The following STK32B variants were observed in gnomAD, a reference collection of about 807,000 sequenced individuals.
The protein encoded by STK32B is serine/threonine kinase 32B, also known as serine/threonine-protein kinase 32B.
In STK32B, 43 loss-of-function variants were observed where a neutral mutation model predicts 52.6. The ratio of observed to expected loss-of-function variants is 0.82; its 90% CI spans 0.64 to 1.05. STK32B has a LOEUF of 1.05. Ranked by LOEUF, STK32B falls within the 50% of genes least tolerant of loss-of-function variation. The pLI, the probability that STK32B is intolerant of heterozygous loss-of-function variation, is 0.00. For synonymous variants in STK32B, 238 were observed against 204.3 expected (o/e 1.17, Z -1.41); for missense variants, 621 against 534.6 (o/e 1.16, Z -1.59).
At chr4:5,458,858 C>A (rs1432468875) in intron 8 of STK32B, 1 of 152,242 alleles carries the variant, frequency 6.6e-6, no homozygotes, top group African/African-American at 2.4e-5. Flanking sequence ...TGACAGGTGT[C>A]GCAGCCAGAT....
chr4:5,445,350 C>A (rs1297780362), intron 6 of STK32B, among the ~76,000 whole-genome samples: 1 of 152,178 alleles, frequency 6.6e-6, no homozygotes, highest in Admixed American at 6.5e-5. Flanking sequence ...GCTTTAATCA[C>A]AACAGTATGT....
intron 1 of STK32B, among the ~76,000 whole-genome samples, chr4:5,102,685 C>T (rs1713874772): frequency 6.6e-6 from 1 of 151,222 alleles, no homozygotes; most frequent in Non-Finnish European, 1.5e-5. Context: ...GCACACACCA[C>T]CATACCTGGC....
chr4:5,389,760 T>A (rs1246707845), intron 4 of STK32B, among the ~76,000 whole-genome samples: 2 of 151,990 alleles, frequency 1.3e-5, no homozygotes, highest in African/African-American at 4.8e-5. Context: ...CTAATCCTTA[T>A]AATCTGTGCC....
At chr4:5,430,628 C>A (rs1713498476) in intron 6 of STK32B, among the ~76,000 whole-genome samples, 1 of 152,214 alleles carries the variant, frequency 6.6e-6, no homozygotes, top group East Asian at 1.9e-4. Flanking sequence ...TTATTAAAAT[C>A]TTTGCATGAT....
chr4:5,364,276 A>G (rs984930173), intron 4 of STK32B, among the ~76,000 whole-genome samples: 2 of 152,262 alleles, frequency 1.3e-5, no homozygotes, highest in Non-Finnish European at 2.9e-5. Context: ...CCAGTTTAAG[A>G]AAAAATAATT....
At chr4:5,437,997 A>C (rs1577496570) in intron 6 of STK32B, 2 of 985,372 alleles carry the variant, frequency 2.0e-6, no homozygotes, top group East Asian at 2.3e-4. Flanking sequence ...CGCTTGTCTG[A>C]TCATGACAGC....
At chr4:5,464,214 A>T (rs1335584143) in intron 9 of STK32B, among the ~76,000 whole-genome samples, 1 of 152,140 alleles carries the variant, frequency 6.6e-6, no homozygotes, top group Admixed American at 6.5e-5. Context: ...CCATGAACCA[A>T]ACACCTCCCA....
At chr4:5,261,729 G>A (rs554766218) in intron 3 of STK32B, among the ~76,000 whole-genome samples, 1 of 152,132 alleles carries the variant, frequency 6.6e-6, no homozygotes, top group South Asian at 2.1e-4. Context: ...CACTCAGAAA[G>A]GTAGTTGTTA....
intron 11 of STK32B, among the ~76,000 whole-genome samples, chr4:5,493,050 T>A (rs1281278214): frequency 6.6e-6 from 1 of 151,440 alleles, no homozygotes; most frequent in African/African-American, 2.5e-5. Flanking sequence ...CTTTTATGGT[T>A]GTGTCTCTGC....
intron 1 of STK32B, among the ~76,000 whole-genome samples, chr4:5,112,389 C>T (rs1420414128): frequency 6.6e-6 from 1 of 152,152 alleles, no homozygotes; most frequent in Non-Finnish European, 1.5e-5. Context: ...AGGAGAGCTG[C>T]TGGAGTAGGT....
intron 5 of STK32B, among the ~76,000 whole-genome samples, chr4:5,412,410 G>A (rs1029303712): frequency 1.3e-5 from 2 of 152,182 alleles, no homozygotes; most frequent in African/African-American, 4.8e-5. Context: ...AGCATAGCCA[G>A]GGGAAAGCAG....
intron 3 of STK32B, among the ~76,000 whole-genome samples, chr4:5,278,748 C>G (rs1335597533): frequency 6.6e-6 from 1 of 152,104 alleles, no homozygotes; most frequent in Non-Finnish European, 1.5e-5. Flanking sequence ...TTAATTGTCT[C>G]AGTTCCACAG....
chr4:5,075,480 T>A, intron 1 of STK32B, among the ~76,000 whole-genome samples: 1 of 152,162 alleles, frequency 6.6e-6, no homozygotes, highest in Non-Finnish European at 1.5e-5. Context: ...TTTGATTTTT[T>A]AAAAATATAT....
chr4:5,407,835 A>G (rs941392482), intron 5 of STK32B, among the ~76,000 whole-genome samples: 1 of 152,138 alleles, frequency 6.6e-6, no homozygotes, highest in African/African-American at 2.4e-5. Context: ...TTACAATCAG[A>G]CATGAGATTT....
At position 5,500,347 on chromosome 4, in the gene STK32B, A is replaced by T. The variant is rs16837348; in HGVS notation, c.*1264A>T. 6.6e-6 allele frequency: 1 copy of T among 152,210 alleles called. No individual in the cohort carries two copies. Among genetic ancestry groups the T allele is most frequent in the African/African-American group, 2.4e-5 (1 of 41,450 alleles). The allele number at this position is 152,210 out of a possible 1,614,324, so 9.4% of individuals were successfully genotyped here. On this transcript the variant is annotated 3_prime_UTR_variant, in exon 12 of 12. Transcript: ENST00000282908. Reference sequence around the variant, plus strand: ...TAAATAAGATCCTGTGTGTAACCCCAAGCATTGGATGACTCATAGAATGGC... The same window carrying T: ...TAAATAAGATCCTGTGTGTAACCCCTAGCATTGGATGACTCATAGAATGGC...
chr4:5,102,679 A>T (rs1301965559), intron 1 of STK32B, among the ~76,000 whole-genome samples: 1 of 149,916 alleles, frequency 6.7e-6, no homozygotes, highest in Non-Finnish European at 1.5e-5. Flanking sequence ...TTATAGGCAC[A>T]CACCACCATA....
chr4:5,474,539 A>T (rs1217216851), intron 11 of STK32B, among the ~76,000 whole-genome samples: 1 of 152,242 alleles, frequency 6.6e-6, no homozygotes, highest in East Asian at 1.9e-4. Flanking sequence ...AAAATGGAGA[A>T]AACCCTTTGC....
chr4:5,388,997 T>C, intron 4 of STK32B, among the ~76,000 whole-genome samples: 1 of 152,036 alleles, frequency 6.6e-6, no homozygotes, highest in East Asian at 1.9e-4. Flanking sequence ...CTTTGCAGGA[T>C]TAAAAAAAAA....
intron 3 of STK32B, among the ~76,000 whole-genome samples, chr4:5,327,767 G>A (rs891306383): frequency 6.6e-6 from 1 of 152,188 alleles, no homozygotes; most frequent in Admixed American, 6.5e-5. Context: ...TAAAACAAGA[G>A]AGCCTCCCTA....
Sources: allele counts gnomAD v4.1 joint callset (sites outside exome capture counted in the v4.1 genomes callset), GRCh38; gene constraint gnomAD v4.1.1; transcripts MANE v1.5; gene names NCBI Gene and HGNC (gene_info 2026-07-23, HGNC 2026-07-21).